STK32B: variants seen among roughly 807,000 people sequenced by gnomAD.
STK32B encodes serine/threonine-protein kinase 32B.
A neutral mutation model predicts 52.6 loss-of-function variants in STK32B; 43 were observed. The observed-to-expected ratio is 0.82, with a 90% CI of 0.64 to 1.05. The LOEUF (loss-of-function observed/expected upper bound fraction) is 1.05, where lower values mean the gene tolerates loss of function less well. STK32B is among the 50% of genes least tolerant of loss of function. STK32B has a pLI of 0.00. For synonymous variants in STK32B, 238 were observed against 204.3 expected (o/e 1.17, Z -1.41); for missense variants, 621 against 534.6 (o/e 1.16, Z -1.59).
At chr4:5,128,173 C>A (rs140747545) in intron 1 of STK32B, among the ~76,000 whole-genome samples, 1 of 152,312 alleles carries the variant, frequency 6.6e-6, no homozygotes, top group African/African-American at 2.4e-5. Context: ...GGAGCATGGT[C>A]CTGAGGACAC....
At chr4:5,262,267 C>A (rs559979108) in intron 3 of STK32B, among the ~76,000 whole-genome samples, 1 of 152,082 alleles carries the variant, frequency 6.6e-6, no homozygotes, top group Non-Finnish European at 1.5e-5. Context: ...CATCCTCTCT[C>A]CCTTGCTGAA....
intron 1 of STK32B, among the ~76,000 whole-genome samples, chr4:5,132,243 A>G (rs1715824244): frequency 1.3e-5 from 2 of 152,224 alleles, no homozygotes; most frequent in Admixed American, 6.5e-5. Flanking sequence ...ATTTGTGTGC[A>G]TATGTCTTTA....
At chr4:5,344,500 T>A (rs189412291) in intron 4 of STK32B, among the ~76,000 whole-genome samples, 3,320 of 152,294 alleles carry the variant, frequency 0.022, 113 homozygotes, top group African/African-American at 0.074. Flanking sequence ...CTCACAGTCT[T>A]CTTTTACAAG....
intron 3 of STK32B, among the ~76,000 whole-genome samples, chr4:5,191,282 G>A (rs570710813): frequency 2.7e-5 from 4 of 148,604 alleles, no homozygotes; most frequent in African/African-American, 1.0e-4. Context: ...ACAGAGTCTC[G>A]CTCTGTCACC....
At chr4:5,105,533 T>C (rs1714050009) in intron 1 of STK32B, among the ~76,000 whole-genome samples, 1 of 152,018 alleles carries the variant, frequency 6.6e-6, no homozygotes, top group Non-Finnish European at 1.5e-5. Context: ...TATCTGCTCC[T>C]ATTCTATATT....
At chr4:5,432,646 C>A (rs962106461) in intron 6 of STK32B, among the ~76,000 whole-genome samples, 7 of 152,106 alleles carry the variant, frequency 4.6e-5, no homozygotes, top group Non-Finnish European at 1.0e-4. Flanking sequence ...TTGAACCTGG[C>A]ACAATGGGTG....
intron 3 of STK32B, among the ~76,000 whole-genome samples, chr4:5,201,600 T>C (rs529467065): frequency 1.3e-5 from 2 of 152,198 alleles, no homozygotes; most frequent in Non-Finnish European, 1.5e-5. Context: ...TATAAGGAGC[T>C]ACCTGAGACT....
At chr4:5,217,391 T>G (rs1270061125) in intron 3 of STK32B, among the ~76,000 whole-genome samples, 1 of 152,108 alleles carries the variant, frequency 6.6e-6, no homozygotes, top group Non-Finnish European at 1.5e-5. Flanking sequence ...AAGGAGGCGG[T>G]GGGGGAGGAT....
At chr4:5,259,245 G>C (rs1726545082) in intron 3 of STK32B, among the ~76,000 whole-genome samples, 1 of 152,118 alleles carries the variant, frequency 6.6e-6, no homozygotes, top group African/African-American at 2.4e-5. Flanking sequence ...ACCTCATTTA[G>C]AGTGTAAGCT....
At chr4:5,492,831 AATC>A (rs1719864399) in intron 11 of STK32B, among the ~76,000 whole-genome samples, 1 of 151,212 alleles carries the variant, frequency 6.6e-6, no homozygotes, top group Non-Finnish European at 1.5e-5. Flanking sequence ...CTGTTGAGAT[AATC>A]ATGTGGTTTT....
intron 11 of STK32B, among the ~76,000 whole-genome samples, chr4:5,476,152 G>A (rs761791069): frequency 4.6e-5 from 7 of 151,870 alleles, no homozygotes; most frequent in Non-Finnish European, 7.4e-5. Flanking sequence ...TGCCCACCTC[G>A]GCCTCCCAAA....
chr4:5,293,629 G>A (rs1366675398), intron 3 of STK32B, among the ~76,000 whole-genome samples: 2 of 152,016 alleles, frequency 1.3e-5, no homozygotes, highest in African/African-American at 2.4e-5. Flanking sequence ...ACTTTTTGAT[G>A]GGGCTGTTTG....
chr4:5,202,620 G>A (rs900841886), intron 3 of STK32B, among the ~76,000 whole-genome samples: 8 of 152,208 alleles, frequency 5.3e-5, no homozygotes, highest in Non-Finnish European at 1.2e-4. Context: ...GGACACCCAG[G>A]CATTTCCATA....
At chr4:5,185,318 A>C (rs1471995987) in intron 3 of STK32B, among the ~76,000 whole-genome samples, 1 of 152,200 alleles carries the variant, frequency 6.6e-6, no homozygotes, top group Non-Finnish European at 1.5e-5. Context: ...AGATGTCAGA[A>C]GTTAGTTTAA....
chr4:5,253,979 G>T (rs1431451999), intron 3 of STK32B, among the ~76,000 whole-genome samples: 7 of 151,982 alleles, frequency 4.6e-5, no homozygotes, highest in African/African-American at 1.5e-4. Context: ...TAGAGACAGG[G>T]TCTCACCATG....
chr4:5,449,786 AGGGACCTAG>A (rs1715819270), intron 7 of STK32B, among the ~76,000 whole-genome samples: 1 of 152,178 alleles, frequency 6.6e-6, no homozygotes, highest in African/African-American at 2.4e-5. Flanking sequence ...TGTGCATGCG[AGGGACCTAG>A]GGTGCGTGCA....
chr4:5,152,557 G>C (rs150228741), intron 2 of STK32B, among the ~76,000 whole-genome samples: 1 of 152,240 alleles, frequency 6.6e-6, no homozygotes, highest in African/African-American at 2.4e-5. Flanking sequence ...CACTCACCCC[G>C]GTGGGCTTCT....
At chr4:5,041,077 AC>A in the STK32B span, among the ~76,000 whole-genome samples, 2 of 152,150 alleles carry the variant, frequency 1.3e-5, no homozygotes, top group African/African-American at 4.8e-5. Flanking sequence ...CACTTCTGCT[AC>A]GTATGGTTCC....
chr4:5,197,955 G>T (rs1043392548), intron 3 of STK32B, among the ~76,000 whole-genome samples: 1 of 151,590 alleles, frequency 6.6e-6, no homozygotes, highest in African/African-American at 2.4e-5. Context: ...TTTTTTTCCA[G>T]CAAATAATAA....
Sources: allele counts gnomAD v4.1 joint callset (sites outside exome capture counted in the v4.1 genomes callset), GRCh38; gene constraint gnomAD v4.1.1; transcripts MANE v1.5; gene names NCBI Gene and HGNC (gene_info 2026-07-23, HGNC 2026-07-21).